The following PPP2R5E variants were observed in gnomAD, a reference collection of about 807,000 sequenced individuals.
PPP2R5E encodes the protein protein phosphatase 2 regulatory subunit B'epsilon, also known as serine/threonine-protein phosphatase 2A 56 kDa regulatory subunit epsilon isoform.
Under a neutral mutation model 65.3 loss-of-function variants are expected in PPP2R5E, and 4 were observed. That is an observed-to-expected ratio of 0.06 (90% confidence interval 0.03 to 0.14). PPP2R5E has a LOEUF of 0.14. PPP2R5E is among the 10% of genes least tolerant of loss of function. PPP2R5E has a pLI of 1.00. For synonymous variants in PPP2R5E, 183 were observed against 187.4 expected (o/e 0.98, Z 0.19); for missense variants, 274 against 556.1 (o/e 0.49, Z 5.10).
chr14:63,399,268 AATGT>A (rs1207286033), intron 5 of PPP2R5E, among the ~76,000 whole-genome samples: 1 of 152,008 alleles, frequency 6.6e-6, no homozygotes, highest in Non-Finnish European at 1.5e-5. Flanking sequence ...AAGGCCATAC[AATGT>A]ATGACTCCAT....
chr14:63,448,298 AAAAT>A (rs978500265), intron 3 of PPP2R5E, among the ~76,000 whole-genome samples: 6 of 152,212 alleles, frequency 3.9e-5, no homozygotes, highest in Admixed American at 2.6e-4. Context: ...CTCCATCTCA[AAAAT>A]AAATAAATAA....
At chr14:63,458,699 TA>T (rs1235192677) in intron 2 of PPP2R5E, among the ~76,000 whole-genome samples, 1 of 152,194 alleles carries the variant, frequency 6.6e-6, no homozygotes. Flanking sequence ...ATAGAGTGAA[TA>T]AGTATTTCTA....
intron 6 of PPP2R5E, among the ~76,000 whole-genome samples, chr14:63,395,546 A>ACGGG (rs2139795267): frequency 3.5e-5 from 1 of 28,348 alleles, no homozygotes; most frequent in Admixed American, 3.6e-4. Context: ...GAGGGAAGAG[A>ACGGG]GGAGGAGAGG....
At chr14:63,435,810 A>G (rs1887927883) in intron 3 of PPP2R5E, among the ~76,000 whole-genome samples, 1 of 152,234 alleles carries the variant, frequency 6.6e-6, no homozygotes, top group South Asian at 2.1e-4. Context: ...GCAATGTTAA[A>G]ATAATTATCT....
intron 2 of PPP2R5E, among the ~76,000 whole-genome samples, chr14:63,522,858 T>TGG (rs869247634): frequency 1.6e-5 from 2 of 125,200 alleles, no homozygotes; most frequent in African/African-American, 6.6e-5. Context: ...AGGAGGGAGG[T>TGG]GGGGGGGGTC....
At chr14:63,523,420 TG>T (rs1893049791) in intron 2 of PPP2R5E, among the ~76,000 whole-genome samples, 1 of 152,152 alleles carries the variant, frequency 6.6e-6, no homozygotes, top group Non-Finnish European at 1.5e-5. Context: ...CCCAACCCTG[TG>T]CTCTCTGAAA....
At chr14:63,453,597 G>C in intron 3 of PPP2R5E, 92 bp downstream of exon 3, 1 of 1,237,822 alleles carries the variant, frequency 8.1e-7, no homozygotes, top group Non-Finnish European at 1.1e-6. Flanking sequence ...TTGTGGAGTT[G>C]ACCTCCAATG....
At chr14:63,417,057 C>T (rs1360088103) in intron 4 of PPP2R5E, among the ~76,000 whole-genome samples, 1 of 152,198 alleles carries the variant, frequency 6.6e-6, no homozygotes, top group Non-Finnish European at 1.5e-5. Context: ...ATGAACTTTT[C>T]ATACTTTGTT....
intron 2 of PPP2R5E, among the ~76,000 whole-genome samples, chr14:63,481,267 C>T (rs137917500): frequency 0.017 from 2,522 of 152,082 alleles, 59 homozygotes; most frequent in African/African-American, 0.057. Flanking sequence ...GAGGCCGAGG[C>T]GGGTGAATCA....
intron 11 of PPP2R5E, among the ~76,000 whole-genome samples, chr14:63,388,756 T>C (rs1884829872): frequency 6.6e-6 from 1 of 152,206 alleles, no homozygotes; most frequent in Non-Finnish European, 1.5e-5. Flanking sequence ...TACAGCATAG[T>C]TGACAGCTTA....
intron 3 of PPP2R5E, 24 bp downstream of exon 3, chr14:63,453,665 C>A: frequency 6.2e-7 from 1 of 1,605,944 alleles, no homozygotes; most frequent in South Asian, 1.1e-5. Flanking sequence ...TTAAAAGTGT[C>A]CGCGGAGAAA....
At chr14:63,479,073 G>A (rs930459242) in intron 2 of PPP2R5E, among the ~76,000 whole-genome samples, 3 of 152,122 alleles carry the variant, frequency 2.0e-5, no homozygotes, top group Non-Finnish European at 4.4e-5. Flanking sequence ...AGGTTGCAGT[G>A]AGCTGAGATC....
intron 3 of PPP2R5E, among the ~76,000 whole-genome samples, chr14:63,424,177 A>G (rs1016857631): frequency 2.0e-5 from 3 of 152,240 alleles, no homozygotes; most frequent in African/African-American, 7.2e-5. Flanking sequence ...TGAAAGAACT[A>G]ATTAAGGACA....
rs1594808201 is a variant in PPP2R5E at position 63,381,124 on chromosome 14, A to G, written c.1304+932T>C. Among the ~76,000 whole-genome samples the G allele has an allele frequency of 2.6e-5, 4 of 152,348 alleles. No individual in the cohort carries two copies. The South Asian group carries it at 8.3e-4, about 32-fold the overall frequency. Reference sequence around the variant, plus strand: ...TCTCTAGACTTCTATAATCTCCCCAAGTACATCTTTTGGAAAGTAGAATGC... The same window carrying G: ...TCTCTAGACTTCTATAATCTCCCCAGGTACATCTTTTGGAAAGTAGAATGC... On this transcript the variant is annotated intron_variant, in intron 13 of 13. Transcript: ENST00000337537.
At chr14:63,495,565 T>G (rs868507148) in intron 2 of PPP2R5E, among the ~76,000 whole-genome samples, 1 of 151,874 alleles carries the variant, frequency 6.6e-6, no homozygotes, top group East Asian at 1.9e-4. Flanking sequence ...TGGGTGACAG[T>G]GCAAGGCTCC....
At chr14:63,429,145 C>A (rs1334910998) in intron 3 of PPP2R5E, among the ~76,000 whole-genome samples, 1 of 152,134 alleles carries the variant, frequency 6.6e-6, no homozygotes, top group Non-Finnish European at 1.5e-5. Context: ...ACCACTTGTA[C>A]CACAGTATAA....
At chr14:63,398,097 C>A (rs572381981) in intron 5 of PPP2R5E, among the ~76,000 whole-genome samples, 163 of 152,324 alleles carry the variant, frequency 1.1e-3, no homozygotes, top group Non-Finnish European at 1.9e-3. Context: ...GATAACATCA[C>A]ATCTACATGC....
intron 10 of PPP2R5E, among the ~76,000 whole-genome samples, chr14:63,391,572 C>T (rs1274126561): frequency 2.0e-5 from 3 of 152,100 alleles, no homozygotes; most frequent in East Asian, 1.9e-4. Context: ...TACAGGCATG[C>T]GCCACCACGC....
chr14:63,495,817 A>G (rs892982089), intron 2 of PPP2R5E, among the ~76,000 whole-genome samples: 1 of 151,776 alleles, frequency 6.6e-6, no homozygotes, highest in Non-Finnish European at 1.5e-5. Flanking sequence ...CAGCCTCCCA[A>G]GTAACTGAGA....
Sources: allele counts gnomAD v4.1 joint callset (sites outside exome capture counted in the v4.1 genomes callset), GRCh38; gene constraint gnomAD v4.1.1; transcripts MANE v1.5; gene names NCBI Gene and HGNC (gene_info 2026-07-23, HGNC 2026-07-21).